UBE2R2: variants seen among roughly 807,000 people sequenced by gnomAD.
The protein encoded by UBE2R2 is ubiquitin-conjugating enzyme E2 R2.
Under a neutral mutation model 27.8 loss-of-function variants are expected in UBE2R2, and 1 was observed. The observed-to-expected ratio is 0.04, with a 90% confidence interval of 0.01 to 0.17. The LOEUF is 0.17. Ranked by LOEUF, UBE2R2 falls within the 10% of genes least tolerant of loss-of-function variation. The probability of loss-of-function intolerance (pLI) is 1.00; values close to 1 mark genes in which losing one functional copy is unlikely to be tolerated. For missense variants in UBE2R2, 100 were observed against 291.0 expected (o/e 0.34, Z 4.78); for synonymous variants, 106 against 113.3 (o/e 0.94, Z 0.41).
In UBE2R2 at chr9:33,900,720, C is replaced by T. The variant is rs145632771; in HGVS notation, c.362+449C>T. On this transcript the variant is annotated intron_variant, in intron 3 of 4. Coordinates refer to ENST00000263228, the MANE Select transcript of UBE2R2 (RefSeq NM_017811.4). The stretch of plus-strand genomic sequence containing the variant: ...ATATAAATATATATCTATATATGTA[C>T]GTGTATACATATATGTATTTAAATT... Among the ~76,000 whole-genome samples, 65 of 152,070 alleles carry T rather than the reference C, an allele frequency of 4.3e-4. No individual in the cohort carries two copies. In the East Asian group the frequency reaches 6.6e-3, roughly 15 times the overall value.
intron 1 of UBE2R2, among the ~76,000 whole-genome samples, chr9:33,884,648 C>A (rs1209200687): frequency 2.6e-5 from 4 of 152,076 alleles, no homozygotes; most frequent in African/African-American, 9.7e-5. Flanking sequence ...CTCATGCTTT[C>A]CTTTAAGTTC....
chr9:33,827,825 G>C (rs1346853683), intron 1 of UBE2R2, among the ~76,000 whole-genome samples: 1 of 150,656 alleles, frequency 6.6e-6, no homozygotes, highest in Non-Finnish European at 1.5e-5. Flanking sequence ...ACAAAAATTA[G>C]CTGGGCATGG....
chr9:33,893,789 G>A (rs1193961377), intron 2 of UBE2R2, among the ~76,000 whole-genome samples: 1 of 151,932 alleles, frequency 6.6e-6, no homozygotes, highest in Non-Finnish European at 1.5e-5. Context: ...GCACCACCAC[G>A]CCCAGCTATT....
At chr9:33,842,582 C>T (rs1820753746) in intron 1 of UBE2R2, among the ~76,000 whole-genome samples, 1 of 151,738 alleles carries the variant, frequency 6.6e-6, no homozygotes, top group African/African-American at 2.4e-5. Context: ...AATGAGATTT[C>T]CTCTTTGAAA....
At chr9:33,818,300 G>A (rs1315233626) in intron 1 of UBE2R2, among the ~76,000 whole-genome samples, 1 of 149,844 alleles carries the variant, frequency 6.7e-6, no homozygotes, top group South Asian at 2.1e-4. Flanking sequence ...ACCCCTCCCT[G>A]CGCAGGCTGG....
chr9:33,906,331 G>A (rs10971779), intron 3 of UBE2R2, among the ~76,000 whole-genome samples: 30,029 of 152,000 alleles, frequency 0.2, 3,252 homozygotes, highest in South Asian at 0.33. Flanking sequence ...CGTGTTAGTC[G>A]GGCTGATCTT....
chr9:33,847,512 G>T (rs1432751200), intron 1 of UBE2R2, among the ~76,000 whole-genome samples: 1 of 152,086 alleles, frequency 6.6e-6, no homozygotes, highest in Admixed American at 6.6e-5. Context: ...GTTAAACTTT[G>T]ATGTGCATGG....
intron 1 of UBE2R2, among the ~76,000 whole-genome samples, chr9:33,886,635 C>G (rs1393444367): frequency 7.5e-6 from 1 of 133,252 alleles, no homozygotes; most frequent in South Asian, 2.3e-4. Context: ...AGCCTGCTGA[C>G]AGAGTGAGAC....
chr9:33,841,058 G>A (rs940893776), intron 1 of UBE2R2, among the ~76,000 whole-genome samples: 1 of 151,250 alleles, frequency 6.6e-6, no homozygotes, highest in African/African-American at 2.4e-5. Flanking sequence ...TCGAGTAGCT[G>A]GAATTATAAG....
intron 2 of UBE2R2, among the ~76,000 whole-genome samples, chr9:33,899,214 CTTTT>C: frequency 6.8e-6 from 1 of 148,044 alleles, no homozygotes; most frequent in East Asian, 2.0e-4. Context: ...TTATGTTTGT[CTTTT>C]TTTTTTTAAG....
chr9:33,845,527 C>T (rs1820825947), intron 1 of UBE2R2, among the ~76,000 whole-genome samples: 1 of 151,240 alleles, frequency 6.6e-6, no homozygotes, highest in Admixed American at 6.6e-5. Context: ...GGATTATAGG[C>T]GTGAGCCACC....
intron 1 of UBE2R2, among the ~76,000 whole-genome samples, chr9:33,847,163 T>G (rs1820865088): frequency 6.6e-6 from 1 of 152,096 alleles, no homozygotes; most frequent in African/African-American, 2.4e-5. Flanking sequence ...AGTGGCATGA[T>G]CTTGGCTCAC....
At chr9:33,827,640 T>TA (rs138908540) in intron 1 of UBE2R2, among the ~76,000 whole-genome samples, 7,566 of 145,542 alleles carry the variant, frequency 0.052, 270 homozygotes, top group Middle Eastern at 0.11. Flanking sequence ...AAATTCCATC[T>TA]AAAAAAAAAA....
chr9:33,831,074 C>CAAA (rs60428230), intron 1 of UBE2R2: 104 of 88,134 alleles, frequency 1.2e-3, no homozygotes, highest in Non-Finnish European at 1.2e-3. Context: ...ACTGAACTAG[C>CAAA]AAAAAAAAAA....
At position 33,825,388 on chromosome 9, in the gene UBE2R2, G is replaced by A. The variant is rs530101638; in HGVS notation, c.177+7454G>A. On this transcript the variant is annotated intron_variant, in intron 1 of 4. Coordinates refer to ENST00000263228, the MANE Select transcript of UBE2R2 (RefSeq NM_017811.4). Reference sequence around the variant, plus strand: ...CCCGAGTAGCTGGGGCTACAGGCGTGTGCCACCATGCCAGACTAATTTTTG... The same window carrying A: ...CCCGAGTAGCTGGGGCTACAGGCGTATGCCACCATGCCAGACTAATTTTTG... Among the ~76,000 whole-genome samples the A allele has an allele frequency of 2.9e-3, 439 of 152,020 alleles. 3 individuals carry two copies. The highest frequency in any genetic ancestry group is 2.6e-3 in the Non-Finnish European group (176 of 67,986).
At position 33,918,194 on chromosome 9, in the gene UBE2R2, C is replaced by T. The variant is rs1169645601; in HGVS notation, c.*957C>T. The T allele has an allele frequency of 6.6e-6, 1 of 152,198 alleles. No homozygotes were observed. The highest frequency in any genetic ancestry group is 1.5e-5 in the Non-Finnish European group (1 of 68,010). The allele number at this position is 152,198 out of a possible 1,614,324, so 9.4% of individuals were successfully genotyped here. ...GGAAACATCTGTTTTATAGATTTAG[C>T]ATGGCCTTCCCATCAAAAATACACT... On this transcript the variant is annotated 3_prime_UTR_variant, in exon 5 of 5. Transcript: ENST00000263228.
chr9:33,829,060 A>T, intron 1 of UBE2R2, among the ~76,000 whole-genome samples: 1 of 151,966 alleles, frequency 6.6e-6, no homozygotes, highest in East Asian at 1.9e-4. Flanking sequence ...TAGTAGAGAC[A>T]GGGTTTCACT....
At chr9:33,911,819 C>T in intron 3 of UBE2R2, 145 bp from the exon 4 acceptor site, 1 of 721,072 alleles carries the variant, frequency 1.4e-6, no homozygotes, top group South Asian at 5.5e-5. Flanking sequence ...TATCTCTATT[C>T]CCCCAAGGTC....
chr9:33,906,481 G>C (rs1187200911), intron 3 of UBE2R2, among the ~76,000 whole-genome samples: 1 of 152,128 alleles, frequency 6.6e-6, no homozygotes, highest in Non-Finnish European at 1.5e-5. Flanking sequence ...ATGCTGTCTG[G>C]AGGGATGATA....
Sources: allele counts gnomAD v4.1 joint callset (sites outside exome capture counted in the v4.1 genomes callset), GRCh38; gene constraint gnomAD v4.1.1; transcripts MANE v1.5; gene names NCBI Gene and HGNC (gene_info 2026-07-23, HGNC 2026-07-21).